RSPO2: variants seen among roughly 807,000 people sequenced by gnomAD.
The protein encoded by RSPO2 is R-spondin-2.
In RSPO2, 14 loss-of-function variants were observed where a neutral mutation model predicts 30.9. That is an observed-to-expected ratio of 0.45 (90% CI 0.30 to 0.71). The LOEUF (loss-of-function observed/expected upper bound fraction) is 0.71, where lower values mean the gene tolerates loss of function less well. Among genes scored for constraint, RSPO2 ranks in the 30% least tolerant of loss-of-function variants. The probability of loss-of-function intolerance (pLI) is 0.08; values close to 1 mark genes in which losing one functional copy is unlikely to be tolerated. For missense variants in RSPO2, 264 were observed against 301.9 expected, an observed-to-expected ratio of 0.87 and a Z score of 0.93; for synonymous variants, 107 against 96.4, an observed-to-expected ratio of 1.11 and a Z score of -0.64.
chr8:107,955,700 T>C (rs1400630670), intron 5 of RSPO2, among the ~76,000 whole-genome samples: 1 of 152,230 alleles, frequency 6.6e-6, no homozygotes, highest in South Asian at 2.1e-4. Context: ...TAATATCTTA[T>C]ATGCATAGTG....
intron 3 of RSPO2, among the ~76,000 whole-genome samples, chr8:107,974,845 CAT>C (rs1289599222): frequency 2.0e-5 from 2 of 99,880 alleles, no homozygotes. Flanking sequence ...CACACATACA[CAT>C]ACACACACAC....
At chr8:107,993,663 T>C (rs1416272090) in intron 2 of RSPO2, among the ~76,000 whole-genome samples, 1 of 152,142 alleles carries the variant, frequency 6.6e-6, no homozygotes, top group Non-Finnish European at 1.5e-5. Flanking sequence ...GACCACAATT[T>C]GGTGGCTTAA....
intron 2 of RSPO2, among the ~76,000 whole-genome samples, chr8:108,001,002 T>C (rs182766479): frequency 1.9e-4 from 27 of 143,558 alleles, no homozygotes. Flanking sequence ...CACTCTGTCT[T>C]AAAAAAATAA....
chr8:108,035,076 G>C (rs796774024), intron 2 of RSPO2, among the ~76,000 whole-genome samples: 3 of 152,294 alleles, frequency 2.0e-5, no homozygotes, highest in African/African-American at 7.2e-5. Flanking sequence ...AGAGAAAAAA[G>C]AGCTGGGGAA....
intron 2 of RSPO2, among the ~76,000 whole-genome samples, chr8:108,069,200 A>AACACACAC (rs56977468): frequency 0.015 from 2,170 of 148,356 alleles, 15 homozygotes; most frequent in Middle Eastern, 0.028. Flanking sequence ...TGTATGTGTG[A>AACACACAC]ACACACACAC....
chr8:107,976,865 G>T (rs1814233198), intron 3 of RSPO2, among the ~76,000 whole-genome samples: 1 of 152,172 alleles, frequency 6.6e-6, no homozygotes, highest in Non-Finnish European at 1.5e-5. Context: ...AGAAGCTATA[G>T]TTCAATCAGA....
chr8:107,971,257 A>G (rs1813990063), intron 3 of RSPO2, among the ~76,000 whole-genome samples: 1 of 152,202 alleles, frequency 6.6e-6, no homozygotes, highest in Non-Finnish European at 1.5e-5. Context: ...GAAAAATACA[A>G]TTACCTCTAT....
intron 4 of RSPO2, among the ~76,000 whole-genome samples, chr8:107,959,029 T>C (rs1056148954): frequency 6.6e-6 from 1 of 152,144 alleles, no homozygotes; most frequent in Non-Finnish European, 1.5e-5. Flanking sequence ...TTTAAAAGAG[T>C]CAACAGCTAA....
chr8:108,058,961 C>A lies in RSPO2; in HGVS notation c.94+23584G>T, dbSNP rs974512932. ...GGGCAAGGACTTCATGTCTAAAACA[C>A]CAAAAGCAATGGCAACAAAAGACAA... On this transcript the variant is annotated intron_variant, in intron 2 of 5. Transcript: ENST00000276659. 7.9e-5 allele frequency among the ~76,000 whole-genome samples: 12 copies of A among 151,724 alleles called. 2 individuals are homozygous for A. The highest frequency in any genetic ancestry group is 2.9e-4 in the African/African-American group (12 of 41,094).
chr8:107,924,657 T>C (rs996561586), intron 5 of RSPO2, among the ~76,000 whole-genome samples: 1 of 151,980 alleles, frequency 6.6e-6, no homozygotes, highest in Non-Finnish European at 1.5e-5. Flanking sequence ...AAGGGATTGA[T>C]GAACAGACAA....
chr8:107,934,336 CAG>C (rs1238039496), intron 5 of RSPO2, among the ~76,000 whole-genome samples: 5 of 151,110 alleles, frequency 3.3e-5, no homozygotes, highest in Non-Finnish European at 5.9e-5. Context: ...TAAAAAAAAC[CAG>C]ACTCATTACA....
At chr8:108,072,822 C>A (rs1812901020) in intron 2 of RSPO2, among the ~76,000 whole-genome samples, 1 of 151,938 alleles carries the variant, frequency 6.6e-6, no homozygotes, top group African/African-American at 2.4e-5. Context: ...AGAGAAGCAT[C>A]GAAATAAATA....
chr8:108,006,039 T>G (rs567671356), intron 2 of RSPO2, among the ~76,000 whole-genome samples: 2 of 152,154 alleles, frequency 1.3e-5, no homozygotes, highest in Admixed American at 1.3e-4. Flanking sequence ...CTTTTTAGAA[T>G]AGCATACAGA....
chr8:108,057,917 G>A (rs1812308877), intron 2 of RSPO2, among the ~76,000 whole-genome samples: 1 of 152,132 alleles, frequency 6.6e-6, no homozygotes, highest in Admixed American at 6.5e-5. Context: ...CATGTCATCT[G>A]CAAACAGGGA....
chr8:108,083,012 C>T (rs2130744981), intron 1 of RSPO2, 185 bp downstream of exon 1: 1 of 209,954 alleles, frequency 4.8e-6, no homozygotes, highest in Non-Finnish European at 9.4e-6. Context: ...AGTGAATTAG[C>T]AACCTCTGCC....
intron 2 of RSPO2, among the ~76,000 whole-genome samples, chr8:108,007,533 AAC>A (rs1815491456): frequency 6.6e-6 from 1 of 152,324 alleles, no homozygotes. Context: ...GATGTGATGC[AAC>A]AGAGAGTACA....
intron 2 of RSPO2, among the ~76,000 whole-genome samples, chr8:108,034,154 C>T (rs898404227): frequency 3.9e-5 from 6 of 152,220 alleles, no homozygotes; most frequent in Admixed American, 2.6e-4. Context: ...AGTATTAGTT[C>T]CTTCTACAAA....
intron 5 of RSPO2, among the ~76,000 whole-genome samples, chr8:107,932,148 G>C (rs1439734876): frequency 2.0e-5 from 3 of 152,174 alleles, no homozygotes; most frequent in African/African-American, 4.8e-5. Flanking sequence ...TATTCTCCTA[G>C]AGTTGGTCTT....
intron 2 of RSPO2, among the ~76,000 whole-genome samples, chr8:108,041,203 C>CAAAAAAAAAAAAAAAAAAAAAA (rs55937336): frequency 1.0e-5 from 1 of 100,386 alleles, no homozygotes. Flanking sequence ...CAAAAAGTGG[C>CAAAAAAAAAAAAAAAAAAAAAA]AAAAAAAAAA....
Sources: gnomAD v4.1 joint callset for allele counts (sites outside exome capture counted in the v4.1 genomes callset) on GRCh38, gnomAD v4.1.1 for gene constraint, MANE v1.5 for transcripts, NCBI Gene and HGNC (gene_info 2026-07-23, HGNC 2026-07-21) for gene names.